The following DRC3 variants were observed in gnomAD, a reference collection of about 807,000 sequenced individuals.
DRC3 encodes dynein regulatory complex subunit 3, also known as leucine rich repeat containing 48.
DRC3 carries 45 observed loss-of-function variants against 57.6 expected under a neutral mutation model. The ratio of observed to expected loss-of-function variants is 0.78; its 90% confidence interval spans 0.62 to 1.00. The LOEUF (loss-of-function observed/expected upper bound fraction) is 1.00, where lower values mean the gene tolerates loss of function less well. Ranked by LOEUF, DRC3 falls within the 50% of genes least tolerant of loss-of-function variation. The pLI, the probability that DRC3 is intolerant of heterozygous loss-of-function variation, is 0.00. For synonymous variants in DRC3, 257 were observed against 272.3 expected, an observed-to-expected ratio of 0.94 and a Z score of 0.55; for missense variants, 655 against 675.2, an observed-to-expected ratio of 0.97 and a Z score of 0.33.
In DRC3 at chr17:17,999,842, G is replaced by C. The variant is rs534011288; in HGVS notation, c.999+2208G>C. On this transcript the variant is annotated intron_variant, in intron 9 of 13. Coordinates refer to ENST00000399187, the MANE Select transcript of DRC3 (RefSeq NM_031294.4). The stretch of plus-strand genomic sequence containing the variant: ...TGTAGTCAGCTGCACTCTCGAATGA[G>C]TAGTGTGTGCACATGGCACAGCCTG... 1.3e-4 allele frequency among the ~76,000 whole-genome samples: 20 copies of C among 152,376 alleles called. No individual in the cohort carries two copies. In the South Asian group the frequency reaches 4.1e-3, roughly 32 times the overall value.
At chr17:17,980,992 A>C (rs909903121) in intron 3 of DRC3, among the ~76,000 whole-genome samples, 5 of 152,234 alleles carry the variant, frequency 3.3e-5, no homozygotes, top group African/African-American at 1.2e-4. Flanking sequence ...AAAAAATAAA[A>C]GCAGTGCTTT....
intron 9 of DRC3, among the ~76,000 whole-genome samples, chr17:17,999,941 C>T (rs889110111): frequency 2.6e-5 from 4 of 151,398 alleles, no homozygotes; most frequent in Non-Finnish European, 2.9e-5. Context: ...CGTGCGTGCA[C>T]ACGCGCACAT....
chr17:18,000,338 T>C (rs2043672341), intron 9 of DRC3, among the ~76,000 whole-genome samples: 1 of 150,814 alleles, frequency 6.6e-6, no homozygotes, highest in African/African-American at 2.5e-5. Context: ...TGCCCTGTTC[T>C]GTACTTTGCT....
intron 3 of DRC3, among the ~76,000 whole-genome samples, chr17:17,980,317 T>C (rs1164428997): frequency 1.3e-5 from 2 of 151,722 alleles, no homozygotes; most frequent in Non-Finnish European, 2.9e-5. Context: ...AGTCTCGCTC[T>C]GCCGCCCAGC....
chr17:17,999,557 T>G (rs1160873799), intron 9 of DRC3, among the ~76,000 whole-genome samples: 2 of 152,140 alleles, frequency 1.3e-5, no homozygotes, highest in African/African-American at 2.4e-5. Flanking sequence ...TTAGGCCTCA[T>G]CCATTGCACA....
chr17:17,992,069 G>A (rs917427541), intron 5 of DRC3, among the ~76,000 whole-genome samples: 9 of 152,196 alleles, frequency 5.9e-5, no homozygotes, highest in East Asian at 1.9e-4. Context: ...GAGCCTAGGA[G>A]TTTGAGACCA....
At chr17:17,987,870 T>C in intron 4 of DRC3, 62 bp from the exon 5 acceptor site, 1 of 1,562,934 alleles carries the variant, frequency 6.4e-7, no homozygotes, top group East Asian at 2.2e-5. Flanking sequence ...GATGGTTTTA[T>C]TTCAGGACAG....
intron 9 of DRC3, among the ~76,000 whole-genome samples, chr17:18,000,310 G>A (rs2043669804): frequency 6.7e-6 from 1 of 149,650 alleles, no homozygotes; most frequent in Non-Finnish European, 1.5e-5. Context: ...GTGTGTGTGT[G>A]TGTGTGCGCG....
At chr17:17,988,348 C>T in intron 5 of DRC3, 3 of 510,510 alleles carry the variant, frequency 5.9e-6, no homozygotes, top group Admixed American at 6.8e-5. Context: ...TTCCCTGTGT[C>T]TTGCACTTAT....
chr17:17,983,878 C>CA lies in DRC3; in HGVS notation c.212dup (p.Leu72AlafsTer4). The CA allele has an allele frequency of 6.2e-7, 1 of 1,613,636 alleles. No individual in the cohort carries two copies. The highest frequency in any genetic ancestry group is 8.5e-7 in the Non-Finnish European group (1 of 1,179,616). On this transcript the variant is annotated frameshift_variant, in exon 4 of 14. Coordinates refer to ENST00000399187, the MANE Select transcript of DRC3 (RefSeq NM_031294.4). LOFTEE classifies it high-confidence loss of function. ...GCAGTTTGAGAACTTGAGGAAGCTGCAGCTGGACAATAACATCATTGAGAA... is the reference window on the plus strand; with the variant it reads ...GCAGTTTGAGAACTTGAGGAAGCTGCAAGCTGGACAATAACATCATTGAGAA...
At chr17:18,006,952 C>G (rs1184960418) in intron 11 of DRC3, 72 bp from the exon 12 acceptor site, 1 of 1,593,882 alleles carries the variant, frequency 6.3e-7, no homozygotes, top group East Asian at 2.3e-5. Context: ...AAGTCTGTCT[C>G]CCGCCGTCTG....
chr17:17,978,984 C>T (rs1408615693), intron 3 of DRC3, among the ~76,000 whole-genome samples: 1 of 152,122 alleles, frequency 6.6e-6, no homozygotes, highest in Non-Finnish European at 1.5e-5. Context: ...GAAAATAATA[C>T]TATTTGCTAA....
chr17:18,015,667 C>T (rs2044333610), intron 12 of DRC3: 1 of 182,126 alleles, frequency 5.5e-6, no homozygotes, highest in African/African-American at 2.3e-5. Flanking sequence ...GACCCTCAGC[C>T]AGCCTCATGC....
chr17:17,987,847 A>T, intron 4 of DRC3, 85 bp from the exon 5 acceptor site: 1 of 1,395,574 alleles, frequency 7.2e-7, no homozygotes, highest in South Asian at 1.3e-5. Flanking sequence ...CTCACAGGGC[A>T]CTCAGTAGCC....
Position 18,016,621 on chromosome 17 carries a change from C to A in DRC3, c.1522C>A (p.His508Asn). The change falls in exon 14 of 14, where the codon CAC becomes AAC. Residue 508 changes from histidine (H) to asparagine (N), a missense_variant. Transcript: ENST00000399187. ...GAAGGAGATCAATCAGTACATCGACCACATGCAGAGCGAACTGGACAACCT... is the reference window on the plus strand; with the variant it reads ...GAAGGAGATCAATCAGTACATCGACAACATGCAGAGCGAACTGGACAACCT... The part of the protein sequence containing the change: ...RVKEINQYID[H>N]MQSELDNLEC... The A allele has an allele frequency of 6.2e-7, 1 of 1,613,840 alleles. No homozygotes were observed. Among genetic ancestry groups the A allele is most frequent in the Non-Finnish European group, 8.5e-7 (1 of 1,179,820 alleles).
chr17:17,989,048 T>C (rs575937893), intron 5 of DRC3, among the ~76,000 whole-genome samples: 1 of 152,240 alleles, frequency 6.6e-6, no homozygotes, highest in South Asian at 2.1e-4. Flanking sequence ...GGTGTCAGGC[T>C]GGGGTGTGTT....
intron 9 of DRC3, among the ~76,000 whole-genome samples, chr17:17,998,556 G>A (rs550024101): frequency 1.3e-5 from 2 of 152,262 alleles, no homozygotes; most frequent in East Asian, 3.9e-4. Flanking sequence ...GGGCTTTAGG[G>A]AGCCCATCCT....
intron 5 of DRC3, among the ~76,000 whole-genome samples, chr17:17,992,177 A>G (rs1179113063): frequency 6.6e-6 from 1 of 152,218 alleles, no homozygotes; most frequent in Non-Finnish European, 1.5e-5. Context: ...CGGGAGGCTG[A>G]GGCACGAGAA....
At chr17:18,002,701 T>C (rs1288958666) in intron 9 of DRC3, among the ~76,000 whole-genome samples, 1 of 152,160 alleles carries the variant, frequency 6.6e-6, no homozygotes, top group Non-Finnish European at 1.5e-5. Flanking sequence ...ACACGGCCTC[T>C]GATCCCCAGG....
Sources: gnomAD v4.1 joint callset for allele counts (sites outside exome capture counted in the v4.1 genomes callset) on GRCh38, gnomAD v4.1.1 for gene constraint, MANE v1.5 for transcripts, NCBI Gene and HGNC (gene_info 2026-07-23, HGNC 2026-07-21) for gene names.